Variants in LGSN observed in about 807,000 individuals in gnomAD.
LGSN encodes lengsin.
In LGSN, 21 loss-of-function variants were observed where a neutral mutation model predicts 19.5. That is an observed-to-expected ratio of 1.07 (90% CI 0.76 to 1.55). The LOEUF is 1.55. Ranked by LOEUF, LGSN falls within the 40% of genes most tolerant of loss-of-function variation. The pLI is 0.00. For missense variants in LGSN, 673 were observed against 608.5 expected (o/e 1.11, Z -1.12); for synonymous variants, 257 against 215.6 (o/e 1.19, Z -1.68).
chr6:63,379,421 C>G, the LGSN span, among the ~76,000 whole-genome samples: 6 of 152,274 alleles, frequency 3.9e-5, no homozygotes, highest in East Asian at 9.6e-4. Flanking sequence ...AGGGCCTCAG[C>G]GTAGCATCCA....
chr6:63,331,322 C>A, the LGSN span, among the ~76,000 whole-genome samples: 1 of 152,134 alleles, frequency 6.6e-6, no homozygotes, highest in Non-Finnish European at 1.5e-5. Flanking sequence ...CAGAAAAGAT[C>A]AAGCTGCAGG....
At chr6:63,310,116 A>G (rs946906669) in intron 1 of LGSN, among the ~76,000 whole-genome samples, 1 of 152,170 alleles carries the variant, frequency 6.6e-6, no homozygotes, top group African/African-American at 2.4e-5. Context: ...AACTAGTTTT[A>G]TCATTTCTTG....
the LGSN span, among the ~76,000 whole-genome samples, chr6:63,547,917 G>T: frequency 3.9e-5 from 6 of 152,092 alleles, no homozygotes; most frequent in Non-Finnish European, 7.4e-5. Context: ...TTGATTTAAG[G>T]CTTTCTTGCT....
the LGSN span, among the ~76,000 whole-genome samples, chr6:63,505,683 TTTGTTTC>T: frequency 1.3e-5 from 2 of 151,986 alleles, no homozygotes; most frequent in Non-Finnish European, 2.9e-5. Flanking sequence ...TGTTTTGTTT[TTTGTTTC>T]GCTCTGTCGC....
the LGSN span, among the ~76,000 whole-genome samples, chr6:63,553,096 T>C: frequency 6.6e-6 from 1 of 152,192 alleles, no homozygotes; most frequent in African/African-American, 2.4e-5. Context: ...GTAGAGAGAA[T>C]GTATATCTGT....
At chr6:63,390,232 C>T in the LGSN span, among the ~76,000 whole-genome samples, 15 of 144,778 alleles carry the variant, frequency 1.0e-4, no homozygotes, top group South Asian at 2.2e-4. Context: ...CAGGGTCAAG[C>T]GATTCTTGTG....
chr6:63,418,517 C>T, the LGSN span, among the ~76,000 whole-genome samples: 28 of 152,232 alleles, frequency 1.8e-4, no homozygotes, highest in Admixed American at 1.3e-3. Context: ...GCCGAGATTC[C>T]GCCACTGCAC....
chr6:63,357,570 C>G, the LGSN span, among the ~76,000 whole-genome samples: 4 of 152,202 alleles, frequency 2.6e-5, no homozygotes, highest in Admixed American at 2.6e-4. Flanking sequence ...ATTTGCATTT[C>G]TCTGATGGCC....
At chr6:63,390,358 A>C in the LGSN span, among the ~76,000 whole-genome samples, 6 of 150,952 alleles carry the variant, frequency 4.0e-5, no homozygotes, top group African/African-American at 1.5e-4. Flanking sequence ...TCAAACTCCT[A>C]ACCTCAGGTG....
At chr6:63,482,326 T>A in the LGSN span, among the ~76,000 whole-genome samples, 1 of 152,194 alleles carries the variant, frequency 6.6e-6, no homozygotes. Flanking sequence ...ATTGAATAAG[T>A]AAATCAAGTC....
At chr6:63,313,345 A>T (rs1171363000) in intron 1 of LGSN, among the ~76,000 whole-genome samples, 1 of 152,122 alleles carries the variant, frequency 6.6e-6, no homozygotes, top group East Asian at 1.9e-4. Flanking sequence ...AGATCCAGTG[A>T]GTTGAAAAGG....
chr6:63,367,706 G>A, the LGSN span, among the ~76,000 whole-genome samples: 3 of 144,842 alleles, frequency 2.1e-5, 1 homozygote, highest in African/African-American at 8.6e-5. Flanking sequence ...GTCCAACAAT[G>A]ATAGAGTGGA....
the LGSN span, among the ~76,000 whole-genome samples, chr6:63,539,284 G>T: frequency 6.6e-6 from 1 of 152,120 alleles, no homozygotes; most frequent in Admixed American, 6.6e-5. Context: ...AAGAGATAAA[G>T]AGTAATTCAA....
At chr6:63,342,492 T>C in the LGSN span, among the ~76,000 whole-genome samples, 1 of 152,194 alleles carries the variant, frequency 6.6e-6, no homozygotes, top group Non-Finnish European at 1.5e-5. Flanking sequence ...GTAATGAACA[T>C]AGCAAGTAGT....
chr6:63,329,992 G>A, the LGSN span, among the ~76,000 whole-genome samples: 1 of 152,138 alleles, frequency 6.6e-6, no homozygotes, highest in Non-Finnish European at 1.5e-5. Context: ...CAATTTCCTG[G>A]CCCTCAATAG....
Position 63,311,570 on chromosome 6 carries a change from A to G in LGSN, c.30+8344T>C, listed in dbSNP as rs565402687. 2.3e-4 allele frequency among the ~76,000 whole-genome samples: 35 copies of G among 152,318 alleles called. 2 individuals carry two copies. The South Asian group carries it at 7.3e-3, about 32-fold the overall frequency. On this transcript the variant is annotated intron_variant, in intron 1 of 3. Transcript: ENST00000370657. ...ACCATTCTTCCACCCCAGCTTCACC[A>G]TAAATTTGATGTTCATTCTTGCTTT... is the stretch of plus-strand genomic sequence containing the variant.
chr6:63,549,430 A>AC, the LGSN span: 1 of 753,630 alleles, frequency 1.3e-6, no homozygotes, highest in Non-Finnish European at 2.4e-6. Flanking sequence ...GGGATTCACC[A>AC]CTTTCTTAAC....
the LGSN span, among the ~76,000 whole-genome samples, chr6:63,471,134 G>GC: frequency 6.8e-6 from 1 of 146,736 alleles, no homozygotes; most frequent in Non-Finnish European, 1.5e-5. Context: ...TTTTTTGGTT[G>GC]TTTTTTTTTG....
At chr6:63,549,627 A>G in the LGSN span, 5 of 482,174 alleles carry the variant, frequency 1.0e-5, no homozygotes, top group Non-Finnish European at 1.8e-5. Flanking sequence ...CTAATTATCC[A>G]TACAAAAATG....
Sources: gnomAD v4.1 joint callset for allele counts (sites outside exome capture counted in the v4.1 genomes callset) on GRCh38, gnomAD v4.1.1 for gene constraint, MANE v1.5 for transcripts, NCBI Gene and HGNC (gene_info 2026-07-23, HGNC 2026-07-21) for gene names.